ITGA8: variants seen among roughly 807,000 people sequenced by gnomAD.
ITGA8 encodes integrin subunit alpha 8.
A neutral mutation model predicts 142.3 loss-of-function variants in ITGA8; 91 were observed. That is an observed-to-expected ratio of 0.64 (90% CI 0.54 to 0.76). ITGA8 has a LOEUF of 0.76. Ranked by LOEUF, ITGA8 falls within the 30% of genes least tolerant of loss-of-function variation. The pLI, the probability that ITGA8 is intolerant of heterozygous loss-of-function variation, is 0.00. For missense variants in ITGA8, 1,406 were observed against 1,327.7 expected, an observed-to-expected ratio of 1.06 and a Z score of -0.92; for synonymous variants, 505 against 485.2, an observed-to-expected ratio of 1.04 and a Z score of -0.54.
intron 6 of ITGA8, 23 bp from the exon 7 acceptor site, chr10:15,672,772 G>A (rs372479053): frequency 3.6e-5 from 57 of 1,565,632 alleles, no homozygotes; most frequent in East Asian, 4.8e-5. Context: ...AAATTAATAC[G>A]TTAACTGAAT....
In ITGA8 at chr10:15,578,375, G is replaced by A. The variant is rs979512807; in HGVS notation, c.2373-2781C>T. Among the ~76,000 whole-genome samples the A allele has an allele frequency of 3.9e-5, 6 of 152,144 alleles. No homozygotes were observed. In the South Asian group the frequency reaches 1.0e-3, roughly 26 times the overall value. ...GTTTATTGTTGAGTGATATTCTATG[G>A]GATGGATGTACCATGATTTGTTTAA... On this transcript the variant is annotated intron_variant, in intron 23 of 29. Coordinates refer to ENST00000378076, the MANE Select transcript of ITGA8 (RefSeq NM_003638.3).
Position 15,654,599 on chromosome 10 carries a change from C to G in ITGA8, c.1001+755G>C, listed in dbSNP as rs561211821. On this transcript the variant is annotated intron_variant, in intron 11 of 29. Transcript: ENST00000378076. ...AAAGTGCTTAGCCCGTTGCCTAGAACAAAGTAAGTATTCTTCAGATATTTG... is the reference window on the plus strand; with the variant it reads ...AAAGTGCTTAGCCCGTTGCCTAGAAGAAAGTAAGTATTCTTCAGATATTTG... Among the ~76,000 whole-genome samples, 15 of 152,302 alleles carry G rather than the reference C, an allele frequency of 9.8e-5. No individual in the cohort carries two copies. The East Asian group carries it at 2.9e-3, about 29-fold the overall frequency.
intron 27 of ITGA8, among the ~76,000 whole-genome samples, chr10:15,547,485 T>C (rs1441334844): frequency 6.6e-6 from 1 of 152,106 alleles, no homozygotes; most frequent in Non-Finnish European, 1.5e-5. Context: ...GGCAGGAGAA[T>C]TGCTTGAACC....
intron 21 of ITGA8, among the ~76,000 whole-genome samples, chr10:15,593,839 A>ATTTTTT (rs35907545): frequency 7.3e-5 from 10 of 137,310 alleles, no homozygotes; most frequent in African/African-American, 2.6e-4. Flanking sequence ...CCCAGCAAAG[A>ATTTTTT]TTTTTTTTTT....
intron 28 of ITGA8, among the ~76,000 whole-genome samples, chr10:15,525,822 A>G (rs916836103): frequency 6.6e-6 from 1 of 152,072 alleles, no homozygotes; most frequent in African/African-American, 2.4e-5. Context: ...TGATTAAACT[A>G]TTATCATTTT....
chr10:15,586,720 A>G, intron 22 of ITGA8, 56 bp from the exon 23 acceptor site: 1 of 1,006,180 alleles, frequency 9.9e-7, no homozygotes, highest in Non-Finnish European at 1.6e-6. Flanking sequence ...TTATTACAAT[A>G]TATGATCATA....
Position 15,668,199 on chromosome 10 carries a change from G to T in ITGA8, c.847+3404C>A, listed in dbSNP as rs555906945. ...AAGGACTTGCTTTATGAATCTGGGT[G>T]CTTCTGTATTGGGTGCATATATATT... is the stretch of plus-strand genomic sequence containing the variant. On this transcript the variant is annotated intron_variant, in intron 8 of 29. Coordinates refer to ENST00000378076, the MANE Select transcript of ITGA8 (RefSeq NM_003638.3). Among the ~76,000 whole-genome samples, 1,128 of 152,110 alleles carry T rather than the reference G, an allele frequency of 7.4e-3. 9 individuals carry two copies. The highest frequency in any genetic ancestry group is 0.011 in the Non-Finnish European group (777 of 68,006).
At chr10:15,633,659 A>G (rs999740879) in intron 13 of ITGA8, among the ~76,000 whole-genome samples, 1 of 152,124 alleles carries the variant, frequency 6.6e-6, no homozygotes, top group African/African-American at 2.4e-5. Context: ...ATCTCAGGTG[A>G]TCTGCCCACC....
intron 28 of ITGA8, among the ~76,000 whole-genome samples, chr10:15,527,302 A>G (rs1216248158): frequency 6.6e-6 from 1 of 152,202 alleles, no homozygotes; most frequent in African/African-American, 2.4e-5. Flanking sequence ...AATTCTGAAA[A>G]CCAAATGGGT....
chr10:15,717,825 G>A lies in ITGA8; in HGVS notation c.343+941C>T, dbSNP rs549886609. Among the ~76,000 whole-genome samples the A allele has an allele frequency of 2.6e-5, 4 of 152,212 alleles. No homozygotes were observed. The South Asian group carries it at 8.3e-4, about 32-fold the overall frequency. On this transcript the variant is annotated intron_variant, in intron 2 of 29. Coordinates refer to ENST00000378076, the MANE Select transcript of ITGA8 (RefSeq NM_003638.3). ...TAAACATCATCCAGCCAATTTCATC[G>A]AAATTCTGTGAAAATATTCCGCATA...
intron 27 of ITGA8, among the ~76,000 whole-genome samples, chr10:15,545,143 A>AT (rs1345596635): frequency 6.6e-6 from 1 of 152,196 alleles, no homozygotes; most frequent in Non-Finnish European, 1.5e-5. Context: ...GCACCAATAG[A>AT]TAACTAATAC....
chr10:15,522,206 C>G (rs960520111), intron 28 of ITGA8, among the ~76,000 whole-genome samples: 1 of 152,162 alleles, frequency 6.6e-6, no homozygotes, highest in African/African-American at 2.4e-5. Context: ...ATCACATGTA[C>G]TCCACAAATT....
At chr10:15,673,734 T>C (rs1475290060) in intron 6 of ITGA8, among the ~76,000 whole-genome samples, 6 of 152,172 alleles carry the variant, frequency 3.9e-5, no homozygotes, top group Non-Finnish European at 5.9e-5. Flanking sequence ...ATTAGGACAA[T>C]GGGAAGCAGC....
At chr10:15,691,702 G>A (rs896678492) in intron 2 of ITGA8, among the ~76,000 whole-genome samples, 6 of 152,058 alleles carry the variant, frequency 3.9e-5, no homozygotes, top group African/African-American at 1.4e-4. Context: ...GGCTGGGGAG[G>A]GCAGAAGGGA....
intron 2 of ITGA8, among the ~76,000 whole-genome samples, chr10:15,693,162 C>T (rs1445037680): frequency 6.6e-6 from 1 of 152,204 alleles, no homozygotes; most frequent in African/African-American, 2.4e-5. Context: ...GTTCTAATTG[C>T]ACAGTTTTAA....
At chr10:15,690,523 C>T (rs936080201) in intron 2 of ITGA8, among the ~76,000 whole-genome samples, 2 of 152,062 alleles carry the variant, frequency 1.3e-5, no homozygotes, top group Non-Finnish European at 2.9e-5. Flanking sequence ...CCTGTGCCCT[C>T]GTCACAGGGG....
chr10:15,690,361 C>G (rs1834910742), intron 2 of ITGA8, among the ~76,000 whole-genome samples: 1 of 152,166 alleles, frequency 6.6e-6, no homozygotes, highest in African/African-American at 2.4e-5. Flanking sequence ...ATACCTCTTC[C>G]TCTGCAGAGC....
intron 4 of ITGA8, among the ~76,000 whole-genome samples, chr10:15,683,112 G>C (rs143712607): frequency 2.4e-4 from 37 of 152,236 alleles, no homozygotes; most frequent in Non-Finnish European, 3.8e-4. Context: ...ATCAGTCCTA[G>C]AATCTTCTTT....
chr10:15,637,895 T>C (rs754152719), intron 13 of ITGA8, among the ~76,000 whole-genome samples: 11 of 152,046 alleles, frequency 7.2e-5, no homozygotes, highest in Admixed American at 2.0e-4. Flanking sequence ...TACATACATA[T>C]ATAGTACATA....
Sources: gnomAD v4.1 joint callset for allele counts (sites outside exome capture counted in the v4.1 genomes callset) on GRCh38, gnomAD v4.1.1 for gene constraint, MANE v1.5 for transcripts, NCBI Gene and HGNC (gene_info 2026-07-23, HGNC 2026-07-21) for gene names.